Variants in TMEM132D observed in about 807,000 individuals in gnomAD.
TMEM132D encodes the protein mature OL transmembrane protein.
In TMEM132D, 21 loss-of-function variants were observed where a neutral mutation model predicts 62.3. The observed-to-expected ratio is 0.34, with a 90% CI of 0.24 to 0.49. The LOEUF (loss-of-function observed/expected upper bound fraction) is 0.49. Among genes scored for constraint, TMEM132D ranks in the 20% least tolerant of loss-of-function variants. The pLI is 0.99. For missense variants in TMEM132D, 1,346 were observed against 1,402.8 expected (o/e 0.96, Z 0.65); for synonymous variants, 621 against 575.6 (o/e 1.08, Z -1.13).
At chr12:129,677,002 A>G (rs1457631360) in intron 2 of TMEM132D, among the ~76,000 whole-genome samples, 1 of 152,222 alleles carries the variant, frequency 6.6e-6, no homozygotes, top group African/African-American at 2.4e-5. Flanking sequence ...ATAGCTATAT[A>G]GTATTCTGTG....
At chr12:129,488,981 A>C (rs1419549171) in intron 3 of TMEM132D, among the ~76,000 whole-genome samples, 2 of 152,188 alleles carry the variant, frequency 1.3e-5, no homozygotes, top group Non-Finnish European at 2.9e-5. Context: ...CCAAGGCTAA[A>C]GTTGCAAGCC....
intron 5 of TMEM132D, among the ~76,000 whole-genome samples, chr12:129,158,554 A>G (rs564970668): frequency 6.6e-6 from 1 of 152,340 alleles, no homozygotes; most frequent in South Asian, 2.1e-4. Flanking sequence ...CATTGATTGA[A>G]TCTATGCAAA....
intron 2 of TMEM132D, among the ~76,000 whole-genome samples, chr12:129,593,798 C>T (rs75081880): frequency 3.9e-5 from 6 of 152,196 alleles, no homozygotes; most frequent in African/African-American, 1.4e-4. Flanking sequence ...ATGCAGCTGG[C>T]ATCAAACGTC....
intron 5 of TMEM132D, among the ~76,000 whole-genome samples, chr12:129,180,988 T>C (rs557963393): frequency 3.7e-4 from 57 of 152,082 alleles, no homozygotes; most frequent in African/African-American, 1.3e-3. Context: ...ATGGAGGTTA[T>C]GGGGCCAGGA....
At chr12:129,890,423 C>T (rs1874883606) in intron 1 of TMEM132D, among the ~76,000 whole-genome samples, 1 of 152,204 alleles carries the variant, frequency 6.6e-6, no homozygotes, top group Non-Finnish European at 1.5e-5. Flanking sequence ...CACACTGTGG[C>T]TGGGAGTTCC....
chr12:129,767,836 T>A (rs964927085), intron 1 of TMEM132D, among the ~76,000 whole-genome samples: 1 of 152,150 alleles, frequency 6.6e-6, no homozygotes, highest in Non-Finnish European at 1.5e-5. Context: ...CAAGACTTGG[T>A]AATTCACAAG....
At chr12:129,602,020 T>C (rs374706088) in intron 2 of TMEM132D, among the ~76,000 whole-genome samples, 1 of 152,220 alleles carries the variant, frequency 6.6e-6, no homozygotes, top group Non-Finnish European at 1.5e-5. Context: ...GATACTTTCA[T>C]TATCACTTGT....
chr12:129,488,642 C>T (rs983162803), intron 3 of TMEM132D, among the ~76,000 whole-genome samples: 1 of 152,150 alleles, frequency 6.6e-6, no homozygotes, highest in Admixed American at 6.5e-5. Flanking sequence ...CATAGCACTC[C>T]AACCTGGGTG....
At chr12:129,592,862 CA>C (rs10710604) in intron 2 of TMEM132D, among the ~76,000 whole-genome samples, 39,005 of 151,982 alleles carry the variant, frequency 0.26, 7,865 homozygotes, top group African/African-American at 0.55. Context: ...TTCTGGAAGA[CA>C]CAGGAAAGAG....
In TMEM132D at chr12:129,700,568, C is replaced by G. The variant is rs1565954416; in HGVS notation, c.210G>C (p.Met70Ile). The G allele has an allele frequency of 6.2e-7, 1 of 1,614,060 alleles. No individual in the cohort carries two copies. The highest frequency in any genetic ancestry group is 8.5e-7 in the Non-Finnish European group (1 of 1,180,032). The part of the protein sequence containing the change: ...FFLKEANQDI[M>I]RNSSLQSRVE... The stretch of plus-strand genomic sequence containing the variant: ...CCCGGGACTGCAGGCTGGAGTTCCT[C>G]ATGATATCCTGGTTGGCCTCCTTCA... The change falls in exon 2 of 9, where the codon ATG (methionine) becomes ATC (isoleucine). Residue 70 changes from methionine to isoleucine, a missense_variant. Met to Ile is a conservative substitution (Grantham distance 10). Coordinates refer to ENST00000422113, the MANE Select transcript of TMEM132D (RefSeq NM_133448.3).
chr12:129,528,167 A>G (rs1876108345), intron 3 of TMEM132D, among the ~76,000 whole-genome samples: 1 of 152,212 alleles, frequency 6.6e-6, no homozygotes, highest in Non-Finnish European at 1.5e-5. Context: ...CAGCTTCTGA[A>G]GCAAAACCTA....
intron 2 of TMEM132D, among the ~76,000 whole-genome samples, chr12:129,619,349 C>T (rs1035714250): frequency 5.3e-5 from 8 of 152,116 alleles, no homozygotes; most frequent in African/African-American, 1.9e-4. Flanking sequence ...AAAAATGGTG[C>T]TCTAAAAGGG....
chr12:129,614,715 C>CCA (rs1184581067), intron 2 of TMEM132D, among the ~76,000 whole-genome samples: 3 of 152,034 alleles, frequency 2.0e-5, no homozygotes, highest in East Asian at 3.9e-4. Flanking sequence ...AAACGAAGAC[C>CCA]CACACACACA....
In TMEM132D at chr12:129,367,650, CAGAG is replaced by C. The variant is rs1444381993; in HGVS notation, c.1116-29837_1116-29834del. The stretch of plus-strand genomic sequence containing the variant: ...CAAGAGGATGAGTGGTAGCCAGAGG[CAGAG>C]AGAAAGGCCTGGGGACATAATTTGA... On this transcript the variant is annotated intron_variant, in intron 3 of 8. Transcript: ENST00000422113. 2.6e-5 allele frequency among the ~76,000 whole-genome samples: 4 copies of C among 152,128 alleles called. No homozygotes were observed. In the Middle Eastern group the frequency reaches 0.014, roughly 517 times the overall value.
chr12:129,579,941 T>C (rs12307021), intron 2 of TMEM132D, among the ~76,000 whole-genome samples: 51,831 of 152,040 alleles, frequency 0.34, 9,459 homozygotes, highest in Non-Finnish European at 0.4. Flanking sequence ...TATTTGGAAA[T>C]GTGATCTCAG....
chr12:129,255,877 G>A (rs1311284779), intron 4 of TMEM132D, among the ~76,000 whole-genome samples: 1 of 152,200 alleles, frequency 6.6e-6, no homozygotes, highest in African/African-American at 2.4e-5. Context: ...TATCATTGAG[G>A]TAAACACTAT....
At chr12:129,592,034 A>G (rs1054556352) in intron 2 of TMEM132D, among the ~76,000 whole-genome samples, 6 of 152,210 alleles carry the variant, frequency 3.9e-5, no homozygotes, top group African/African-American at 7.2e-5. Flanking sequence ...AAAGGCTAAT[A>G]AAGTTTTTTT....
At chr12:129,358,150 C>T (rs1870133205) in intron 3 of TMEM132D, among the ~76,000 whole-genome samples, 1 of 152,070 alleles carries the variant, frequency 6.6e-6, no homozygotes, top group Admixed American at 6.6e-5. Context: ...GGTCTGGTAA[C>T]CAGAGTCATT....
intron 2 of TMEM132D, among the ~76,000 whole-genome samples, chr12:129,693,641 G>T (rs1322874334): frequency 6.6e-6 from 1 of 152,166 alleles, no homozygotes; most frequent in African/African-American, 2.4e-5. Flanking sequence ...GGGACCTTAC[G>T]ATCAATAGAA....
Sources: allele counts gnomAD v4.1 joint callset (sites outside exome capture counted in the v4.1 genomes callset), GRCh38; gene constraint gnomAD v4.1.1; transcripts MANE v1.5; gene names NCBI Gene and HGNC (gene_info 2026-07-23, HGNC 2026-07-21).